Variants in GCSAML observed in about 807,000 individuals in gnomAD.
GCSAML encodes the protein germinal center-associated signaling and motility-like protein.
In GCSAML, 9 loss-of-function variants were observed where a neutral mutation model predicts 13.0. The observed-to-expected ratio is 0.69, with a 90% CI of 0.42 to 1.21. The LOEUF (loss-of-function observed/expected upper bound fraction) is 1.21, where lower values mean the gene tolerates loss of function less well. GCSAML is among the 50% of genes most tolerant of loss of function. The pLI is 0.00. For missense variants in GCSAML, 143 were observed against 153.4 expected (o/e 0.93, Z 0.36); for synonymous variants, 37 against 52.9 (o/e 0.70, Z 1.31).
intron 2 of GCSAML, among the ~76,000 whole-genome samples, chr1:247,557,859 C>T (rs140300952): frequency 6.6e-6 from 1 of 152,308 alleles, no homozygotes; most frequent in Non-Finnish European, 1.5e-5. Flanking sequence ...TTCTGTATAG[C>T]GTCTTTTAAA....
At chr1:247,513,932 C>A (rs1666127041) in intron 1 of GCSAML, among the ~76,000 whole-genome samples, 2 of 152,104 alleles carry the variant, frequency 1.3e-5, no homozygotes, top group South Asian at 2.1e-4. Context: ...TCAGTGGGAG[C>A]TGCAGACCAG....
At chr1:247,521,784 C>T (rs1034087240) in intron 1 of GCSAML, among the ~76,000 whole-genome samples, 19 of 151,974 alleles carry the variant, frequency 1.3e-4, no homozygotes, top group Non-Finnish European at 2.4e-4. Context: ...GAGATTGCAG[C>T]CTCTGCCTGG....
At chr1:247,556,804 A>G (rs376542206) in intron 2 of GCSAML, among the ~76,000 whole-genome samples, 1 of 152,178 alleles carries the variant, frequency 6.6e-6, no homozygotes. Flanking sequence ...ATCTTTGGAA[A>G]ACATGTCTCA....
chr1:247,546,156 CGTTTT>C (rs1359517060), upstream of GCSAML, among the ~76,000 whole-genome samples: 1 of 151,752 alleles, frequency 6.6e-6, no homozygotes, highest in African/African-American at 2.4e-5. Flanking sequence ...TTTGTTTGTT[CGTTTT>C]GTTTTGTTTT....
upstream of GCSAML, chr1:247,549,095 A>C: frequency 6.2e-7 from 1 of 1,612,488 alleles, no homozygotes; most frequent in South Asian, 1.1e-5. Context: ...GTCAGATGCA[A>C]CGTCCTGCCT....
intron 2 of GCSAML, among the ~76,000 whole-genome samples, chr1:247,539,048 A>G (rs2103018593): frequency 6.6e-6 from 1 of 152,306 alleles, no homozygotes. Flanking sequence ...ACCGTATGCC[A>G]ATCACTGAAA....
At chr1:247,565,659 T>G in intron 3 of GCSAML, 1 of 339,580 alleles carries the variant, frequency 2.9e-6, no homozygotes, top group Non-Finnish European at 5.3e-6. Flanking sequence ...TTGAAATCCA[T>G]CTTATTCAGT....
At chr1:247,555,626 G>C (rs1477865413) in intron 1 of GCSAML, among the ~76,000 whole-genome samples, 2 of 152,224 alleles carry the variant, frequency 1.3e-5, no homozygotes, top group Non-Finnish European at 2.9e-5. Context: ...GTAAGCAGAA[G>C]TGAGGCTCTT....
chr1:247,532,183 G>A (rs1667005919), intron 2 of GCSAML: 1 of 1,614,102 alleles, frequency 6.2e-7, no homozygotes, highest in Non-Finnish European at 8.5e-7. Flanking sequence ...ACACTCGGTT[G>A]CCCCCAGCCA....
intron 2 of GCSAML, chr1:247,538,872 T>A: frequency 2.6e-6 from 1 of 386,846 alleles, no homozygotes; most frequent in South Asian, 1.9e-5. Context: ...CTAATACAGA[T>A]GGCTAATGCA....
At chr1:247,539,913 C>T (rs1667351991) in intron 2 of GCSAML, among the ~76,000 whole-genome samples, 1 of 152,164 alleles carries the variant, frequency 6.6e-6, no homozygotes, top group Non-Finnish European at 1.5e-5. Context: ...TCTGCGCCTT[C>T]CCCCTCCACA....
chr1:247,533,327 G>T (rs995993200), intron 2 of GCSAML, among the ~76,000 whole-genome samples: 1 of 152,020 alleles, frequency 6.6e-6, no homozygotes, highest in African/African-American at 2.4e-5. Context: ...CTTCTTGTCC[G>T]TGGCCCCTCA....
rs1558232641 is a variant in GCSAML, at chr1:247,514,467, A to G, written c.-263+7234A>G. Among the ~76,000 whole-genome samples, 3 of 147,888 alleles carry G rather than the reference A, an allele frequency of 2.0e-5. No homozygotes were observed. The Admixed American group carries it at 2.0e-4, about 10-fold the overall frequency. The stretch of plus-strand genomic sequence containing the variant: ...TTCTTTTGCTGTGCAGAAGCTTTTT[A>G]GTTTACTTAAGTGCTATCTATTTAT... On this transcript the variant is annotated intron_variant, in intron 1 of 5. Coordinates refer to the GCSAML transcript ENST00000366489.
At chr1:247,539,141 C>A (rs755159671) in intron 2 of GCSAML, among the ~76,000 whole-genome samples, 1 of 152,058 alleles carries the variant, frequency 6.6e-6, no homozygotes, top group Non-Finnish European at 1.5e-5. Context: ...AATCAGTCTC[C>A]CTGAAAATGG....
chr1:247,524,042 G>C (rs943668190), intron 1 of GCSAML, among the ~76,000 whole-genome samples: 1 of 141,180 alleles, frequency 7.1e-6, no homozygotes. Context: ...TGCAGATGCA[G>C]TGAATTGAAA....
chr1:247,526,987 C>A lies in GCSAML; in HGVS notation c.-215C>A, dbSNP rs1666706194. 1 of 456,628 alleles carries A rather than the reference C, an allele frequency of 2.2e-6. No homozygotes were observed. The highest frequency in any genetic ancestry group is 2.0e-5 in the African/African-American group (1 of 50,078). The allele number at this position is 456,628 out of a possible 1,614,324, so 28.3% of individuals were successfully genotyped here. On this transcript the variant is annotated 5_prime_UTR_variant, in exon 2 of 6. Coordinates refer to the GCSAML transcript ENST00000366489. The surrounding 1 kb of genome is among the most constrained non-coding windows in gnomAD (Gnocchi z 4.8). ...ATGTTGGAGGATTCCAATAGTTCTA[C>A]TGGATGTGGAGCCAGAAATTGTGTG...
upstream of GCSAML, among the ~76,000 whole-genome samples, chr1:247,545,927 T>G (rs1423345921): frequency 6.6e-6 from 1 of 152,084 alleles, no homozygotes; most frequent in African/African-American, 2.4e-5. Context: ...AGAGTGTAGA[T>G]CTCATGTTAA....
chr1:247,555,293 AC>A (rs1157920465), intron 1 of GCSAML, among the ~76,000 whole-genome samples: 1 of 152,192 alleles, frequency 6.6e-6, no homozygotes, highest in Non-Finnish European at 1.5e-5. Context: ...TCGTGAGAAA[AC>A]TAGACTCCAG....
At chr1:247,549,068 A>G, upstream of GCSAML, 1 of 1,603,802 alleles carries the variant, frequency 6.2e-7, no homozygotes, top group Non-Finnish European at 8.5e-7. Flanking sequence ...CGTGGTTGGC[A>G]AGAGCACGAA....
Sources: allele counts gnomAD v4.1 joint callset (sites outside exome capture counted in the v4.1 genomes callset), GRCh38; gene constraint gnomAD v4.1.1; non-coding constraint Gnocchi (gnomAD v3.1); transcripts MANE v1.5; gene names NCBI Gene and HGNC (gene_info 2026-07-23, HGNC 2026-07-21).